Variants in EPB41L3 observed in about 807,000 individuals in gnomAD.
EPB41L3 encodes band 4.1-like protein 3.
EPB41L3 carries 57 observed loss-of-function variants against 127.1 expected under a neutral mutation model. The observed-to-expected ratio is 0.45, with a 90% confidence interval of 0.36 to 0.56. The LOEUF (loss-of-function observed/expected upper bound fraction) is 0.56, where lower values mean the gene tolerates loss of function less well. Ranked by LOEUF, EPB41L3 falls within the 20% of genes least tolerant of loss-of-function variation. The pLI, the probability that EPB41L3 is intolerant of heterozygous loss-of-function variation, is 0.00. For synonymous variants in EPB41L3, 572 were observed against 549.5 expected, an observed-to-expected ratio of 1.04 and a Z score of -0.57; for missense variants, 1,273 against 1,372.2, an observed-to-expected ratio of 0.93 and a Z score of 1.14.
chr18:5,433,992 A>G lies in EPB41L3; in HGVS notation c.735T>C (p.Cys245=). The change falls in exon 7 of 23, where the codon TGT becomes TGC. Residue 245 remains cysteine (C), a synonymous_variant. Transcript: ENST00000341928. ...GGAACTCACTAATGTAATCGCTCCC[A>G]CATTCATCTGGGTCATAGTCTCCGA... is the stretch of plus-strand genomic sequence containing the variant. ...SELGDYDPDE[C]GSDYISEFRF... 1 of 1,614,148 alleles carries G rather than the reference A, an allele frequency of 6.2e-7. No homozygotes were observed. Among genetic ancestry groups the G allele is most frequent in the Non-Finnish European group, 8.5e-7 (1 of 1,180,028 alleles).
chr18:5,438,387 C>T (rs1322936376), intron 5 of EPB41L3, among the ~76,000 whole-genome samples: 1 of 152,124 alleles, frequency 6.6e-6, no homozygotes, highest in Non-Finnish European at 1.5e-5. Context: ...TAAGCAAGCA[C>T]TTGGAAGAAG....
chr18:5,414,977 T>C (rs1346431010), intron 13 of EPB41L3, among the ~76,000 whole-genome samples: 2 of 152,214 alleles, frequency 1.3e-5, no homozygotes, highest in South Asian at 2.1e-4. Context: ...CTGGCAGCCA[T>C]AGAGGCCCAG....
intron 3 of EPB41L3, among the ~76,000 whole-genome samples, chr18:5,604,270 T>C (rs1015326655): frequency 6.6e-6 from 1 of 151,918 alleles, no homozygotes; most frequent in African/African-American, 2.4e-5. Context: ...TTTTTAATGA[T>C]CCCATAGCAG....
At chr18:5,523,519 T>C (rs2148839318) in intron 1 of EPB41L3, among the ~76,000 whole-genome samples, 1 of 152,330 alleles carries the variant, frequency 6.6e-6, no homozygotes. Flanking sequence ...TATCTATTGG[T>C]CTGGTATGGT....
In EPB41L3 at chr18:5,618,675, T is replaced by C. The variant is rs138176210; in HGVS notation, c.-467-4252A>G. Among the ~76,000 whole-genome samples, 48 of 152,294 alleles carry C rather than the reference T, an allele frequency of 3.2e-4. No homozygotes were observed. In the East Asian group the frequency reaches 9.1e-3, roughly 29 times the overall value. ...TTTCTGAATTCAATGTGTATCTTTG[T>C]GAACAGACGAAAGTCAATGAAAAGT... On this transcript the variant is annotated intron_variant, in intron 1 of 21. Coordinates refer to the EPB41L3 transcript ENST00000545076.
chr18:5,395,591 G>A lies in EPB41L3; in HGVS notation c.3072+18C>T, dbSNP rs747293245. ...CTCGCTCTCAAGGAATCCTCTTCTCGGTTCTCACTCCACTTACTTTGGTGA... is the reference window on the plus strand; with the variant it reads ...CTCGCTCTCAAGGAATCCTCTTCTCAGTTCTCACTCCACTTACTTTGGTGA... On this transcript the variant is annotated intron_variant, in intron 20 of 22. Coordinates refer to ENST00000341928, the MANE Select transcript of EPB41L3 (RefSeq NM_012307.5). The A allele has an allele frequency of 1.1e-5, 17 of 1,608,768 alleles. No individual in the cohort carries two copies. The highest frequency in any genetic ancestry group is 5.3e-5 in the African/African-American group (4 of 74,780).
At chr18:5,622,026 G>T (rs1359128331) in intron 1 of EPB41L3, among the ~76,000 whole-genome samples, 3 of 151,634 alleles carry the variant, frequency 2.0e-5, no homozygotes, top group African/African-American at 7.3e-5. Context: ...GGATTATCAG[G>T]TTTATCTTCC....
At chr18:5,406,094 T>C (rs1598515366) in intron 16 of EPB41L3, among the ~76,000 whole-genome samples, 1 of 151,630 alleles carries the variant, frequency 6.6e-6, no homozygotes, top group South Asian at 2.1e-4. Flanking sequence ...CTATTAAAAA[T>C]ACAAAAATTA....
At chr18:5,485,148 A>T (rs1346825860) in intron 2 of EPB41L3, among the ~76,000 whole-genome samples, 1 of 152,044 alleles carries the variant, frequency 6.6e-6, no homozygotes, top group Non-Finnish European at 1.5e-5. Flanking sequence ...AAGATCATTC[A>T]CCATGATTAA....
intron 1 of EPB41L3, among the ~76,000 whole-genome samples, chr18:5,541,944 T>A (rs2093742217): frequency 6.6e-6 from 1 of 152,228 alleles, no homozygotes; most frequent in African/African-American, 2.4e-5. Context: ...CTTGATGCAG[T>A]AAGTTGTGCA....
intron 12 of EPB41L3, among the ~76,000 whole-genome samples, chr18:5,418,001 T>C (rs1006045484): frequency 1.9e-4 from 29 of 152,198 alleles, no homozygotes; most frequent in African/African-American, 6.8e-4. Context: ...TTTTCAGTAA[T>C]ACACTTTCAT....
At position 5,438,114 on chromosome 18, in the gene EPB41L3, C is replaced by G; in HGVS notation, c.530-4G>C. On this transcript the variant is annotated splice_polypyrimidine_tract_variant and splice_region_variant and intron_variant, in intron 5 of 22. Transcript: ENST00000341928. ...AATGAAAAGTGCCAAGCACCACCTG[C>G]AAGGATGGAAAAAAATTAGAGTAAA... 3 of 1,612,180 alleles carry G rather than the reference C, an allele frequency of 1.9e-6. No individual in the cohort carries two copies. The highest frequency in any genetic ancestry group is 2.5e-6 in the Non-Finnish European group (3 of 1,179,412).
rs1598521667 is a variant in EPB41L3, at chr18:5,406,666, G to A, written c.2349+111C>T. 4.1e-6 allele frequency: 4 copies of A among 974,578 alleles called. No homozygotes were observed. The East Asian group carries it at 1.0e-4, about 25-fold the overall frequency. The allele number at this position is 974,578 out of a possible 1,614,324, so 60.4% of individuals were successfully genotyped here. ...GCATCTCAGCTCAGGTTAAACATAG[G>A]TAGGAAGAGAGATTTTCTACCCAGA... On this transcript the variant is annotated intron_variant, in intron 16 of 22. Transcript: ENST00000341928.
intron 3 of EPB41L3, among the ~76,000 whole-genome samples, chr18:5,555,734 G>C (rs1449212458): frequency 6.6e-6 from 1 of 151,972 alleles, no homozygotes; most frequent in East Asian, 1.9e-4. Flanking sequence ...CAGCTTCCCG[G>C]GACATGAGTG....
At chr18:5,595,683 T>C (rs565422644) in intron 3 of EPB41L3, among the ~76,000 whole-genome samples, 1 of 152,260 alleles carries the variant, frequency 6.6e-6, no homozygotes, top group East Asian at 1.9e-4. Context: ...AAGTGTTTGA[T>C]ACATACTACA....
intron 3 of EPB41L3, among the ~76,000 whole-genome samples, chr18:5,453,003 C>T (rs1271985191): frequency 1.3e-5 from 2 of 152,132 alleles, no homozygotes; most frequent in Non-Finnish European, 2.9e-5. Context: ...GGCACTGAGG[C>T]CAGGGAGGAC....
intron 3 of EPB41L3, among the ~76,000 whole-genome samples, chr18:5,560,081 A>C (rs764278222): frequency 5.9e-5 from 9 of 152,330 alleles, no homozygotes; most frequent in Middle Eastern, 3.4e-3. Context: ...GACCATTCCC[A>C]ATATGATTTT....
chr18:5,449,703 G>A lies in EPB41L3; in HGVS notation c.382-4459C>T, dbSNP rs369731576. 2.0e-5 allele frequency among the ~76,000 whole-genome samples: 3 copies of A among 152,304 alleles called. No homozygotes were observed. In the East Asian group the frequency reaches 5.8e-4, roughly 29 times the overall value. On this transcript the variant is annotated intron_variant, in intron 3 of 22. Coordinates refer to ENST00000341928, the MANE Select transcript of EPB41L3 (RefSeq NM_012307.5). Reference sequence around the variant, plus strand: ...GAACCTTAAATGCATACTGCTAGGTGAAAGAAGTTCATCTGAAAAGGATGC... The same window carrying A: ...GAACCTTAAATGCATACTGCTAGGTAAAAGAAGTTCATCTGAAAAGGATGC...
At chr18:5,512,356 G>GA (rs1272190805) in intron 1 of EPB41L3, among the ~76,000 whole-genome samples, 1 of 152,198 alleles carries the variant, frequency 6.6e-6, no homozygotes, top group East Asian at 1.9e-4. Flanking sequence ...CCTTCCAAGA[G>GA]AAAGTGAAAT....
Sources: gnomAD v4.1 joint callset for allele counts (sites outside exome capture counted in the v4.1 genomes callset) on GRCh38, gnomAD v4.1.1 for gene constraint, MANE v1.5 for transcripts, NCBI Gene and HGNC (gene_info 2026-07-23, HGNC 2026-07-21) for gene names.